Variants in ZFP1 observed in about 807,000 individuals in gnomAD.
ZFP1 encodes ZFP1 zinc finger protein.
In ZFP1, 32 loss-of-function variants were observed where a neutral mutation model predicts 38.5. The ratio of observed to expected loss-of-function variants is 0.83; its 90% CI spans 0.63 to 1.12. The LOEUF (loss-of-function observed/expected upper bound fraction) is 1.12. Ranked by LOEUF, ZFP1 falls within the 50% of genes most tolerant of loss-of-function variation. The pLI is 0.00. For missense variants in ZFP1, 616 were observed against 480.8 expected, an observed-to-expected ratio of 1.28 and a Z score of -2.63; for synonymous variants, 245 against 168.8, an observed-to-expected ratio of 1.45 and a Z score of -3.50.
rs1378782307 is a variant in ZFP1 at position 75,161,772 on chromosome 16, ATATTTTTTTTT to A, written c.16-4996_16-4986del. On this transcript the variant is annotated intron_variant, in intron 2 of 3. Coordinates refer to ENST00000570010, the MANE Select transcript of ZFP1 (RefSeq NM_153688.4). ...AGTTTTATGAAATATATATATATAT[ATATTTTTTTTT>A]TTTTTTTTTTTTTTTTTCCTGAGAT... 4.1e-4 allele frequency among the ~76,000 whole-genome samples: 3 copies of A among 7,236 alleles called. No individual in the cohort carries two copies. In the East Asian group the frequency reaches 7.2e-3, roughly 17 times the overall value. The allele number at this position is 7,236 out of a possible 152,430, so 4.7% of individuals were successfully genotyped here.
chr16:75,168,180 A>ATG (rs1419722620), intron 3 of ZFP1, among the ~76,000 whole-genome samples: 1 of 151,908 alleles, frequency 6.6e-6, no homozygotes, highest in Admixed American at 6.6e-5. Context: ...TGGGATTGCT[A>ATG]TGTGAAAGGG....
chr16:75,155,837 A>G (rs749020877), intron 2 of ZFP1, among the ~76,000 whole-genome samples: 1 of 152,198 alleles, frequency 6.6e-6, no homozygotes, highest in Non-Finnish European at 1.5e-5. Context: ...TGGGATTAAT[A>G]TCACTTATAG....
the ZFP1 span, among the ~76,000 whole-genome samples, chr16:75,126,614 G>A: frequency 6.6e-6 from 1 of 152,198 alleles, no homozygotes; most frequent in Non-Finnish European, 1.5e-5. Context: ...ATGTTGGCCT[G>A]CTGGTCTCAA....
chr16:75,144,387 T>G (rs936390564), upstream of ZFP1, among the ~76,000 whole-genome samples: 1 of 152,230 alleles, frequency 6.6e-6, no homozygotes, highest in Non-Finnish European at 1.5e-5. Context: ...TTATCCTTTT[T>G]AGTGTTTCCC....
the ZFP1 span, among the ~76,000 whole-genome samples, chr16:75,122,106 G>A: frequency 6.6e-6 from 1 of 152,174 alleles, no homozygotes; most frequent in Non-Finnish European, 1.5e-5. Context: ...TTCTCAGCAA[G>A]GCAATTTTCA....
chr16:75,150,844 A>C (rs2037163417), intron 1 of ZFP1, among the ~76,000 whole-genome samples: 1 of 152,106 alleles, frequency 6.6e-6, no homozygotes, highest in Non-Finnish European at 1.5e-5. Context: ...TGATTGATTG[A>C]GACAGGGTCT....
the ZFP1 span, among the ~76,000 whole-genome samples, chr16:75,125,255 T>A: frequency 6.6e-6 from 1 of 152,080 alleles, no homozygotes; most frequent in African/African-American, 2.4e-5. Flanking sequence ...CAAGACTCTA[T>A]CTCGAAAAAA....
intron 3 of ZFP1, among the ~76,000 whole-genome samples, chr16:75,167,422 T>C (rs367595883): frequency 3.9e-5 from 6 of 151,904 alleles, no homozygotes; most frequent in Admixed American, 1.3e-4. Context: ...TTTAATCTTA[T>C]AGATATTTGC....
intron 2 of ZFP1, among the ~76,000 whole-genome samples, chr16:75,159,302 C>T (rs1195805994): frequency 9.3e-5 from 3 of 32,142 alleles, no homozygotes; most frequent in Non-Finnish European, 1.0e-4. Context: ...TCCCTTCCCT[C>T]CCTTCCCTCC....
rs1254293004 is a variant in ZFP1, at chr16:75,170,797, A to AC, written c.*464dup. ...AACAAGATTTTCCATACTAAACATCACATGTGTTTTTCAGTATCTCTGCAA... is the reference window on the plus strand; with the variant it reads ...AACAAGATTTTCCATACTAAACATCACCATGTGTTTTTCAGTATCTCTGCAA... On this transcript the variant is annotated 3_prime_UTR_variant, in exon 4 of 4. Coordinates refer to ENST00000570010, the MANE Select transcript of ZFP1 (RefSeq NM_153688.4). The AC allele has an allele frequency of 6.5e-6, 1 of 154,780 alleles. No homozygotes were observed. Among genetic ancestry groups the AC allele is most frequent in the Non-Finnish European group, 1.4e-5 (1 of 69,686 alleles). The allele number at this position is 154,780 out of a possible 1,614,324, so 9.6% of individuals were successfully genotyped here.
the ZFP1 span, among the ~76,000 whole-genome samples, chr16:75,139,996 T>C: frequency 6.6e-6 from 1 of 152,192 alleles, no homozygotes; most frequent in South Asian, 2.1e-4. Context: ...TGGCCAGGCA[T>C]AGTGGCTCAT....
At chr16:75,142,132 C>A in the ZFP1 span, among the ~76,000 whole-genome samples, 1 of 147,394 alleles carries the variant, frequency 6.8e-6, no homozygotes, top group African/African-American at 2.5e-5. Flanking sequence ...CCAAGGCAGG[C>A]AGACCACAAG....
At chr16:75,157,656 A>T (rs1036453869) in intron 2 of ZFP1, among the ~76,000 whole-genome samples, 1 of 152,062 alleles carries the variant, frequency 6.6e-6, no homozygotes, top group Non-Finnish European at 1.5e-5. Flanking sequence ...GTCATTGCAT[A>T]TATGGTTATG....
intron 2 of ZFP1, among the ~76,000 whole-genome samples, chr16:75,159,581 T>A (rs561009657): frequency 2.0e-5 from 3 of 151,358 alleles, no homozygotes; most frequent in Non-Finnish European, 2.9e-5. Context: ...CTAATTTTTG[T>A]ACTTTTTTTA....
At position 75,170,441 on chromosome 16, in the gene ZFP1, A is replaced by G; in HGVS notation, c.*107A>G. 7.2e-7 allele frequency: 1 copy of G among 1,394,446 alleles called. No individual in the cohort carries two copies. The highest frequency in any genetic ancestry group is 2.4e-5 in the East Asian group (1 of 41,246). The allele number at this position is 1,394,446 out of a possible 1,614,324, so 86.4% of individuals were successfully genotyped here. A position where few individuals can be genotyped will look rare whatever the true frequency, so the allele number is the denominator to read the frequency against. The stretch of plus-strand genomic sequence containing the variant: ...ACATGGGAATTCATACTGAGATGCA[A>G]TCTCTCAACTCAAAAATGTATTAAA... On this transcript the variant is annotated 3_prime_UTR_variant, in exon 4 of 4. Transcript: ENST00000570010.
At chr16:75,148,249 G>A (rs8054035), upstream of ZFP1, among the ~76,000 whole-genome samples, 37,261 of 152,146 alleles carry the variant, frequency 0.24, 4,911 homozygotes, top group Non-Finnish European at 0.3. Flanking sequence ...ATGTTTAAAA[G>A]CCAAGTTGTT....
At chr16:75,124,429 G>A in the ZFP1 span, among the ~76,000 whole-genome samples, 2 of 149,944 alleles carry the variant, frequency 1.3e-5, no homozygotes, top group Non-Finnish European at 3.0e-5. Context: ...TAAAGTGCTG[G>A]GATTACAGGC....
the ZFP1 span, among the ~76,000 whole-genome samples, chr16:75,136,512 T>G: frequency 4.6e-3 from 695 of 152,272 alleles, 7 homozygotes; most frequent in African/African-American, 0.016. Flanking sequence ...GAATTACAAT[T>G]GAAGAATCAG....
At chr16:75,168,370 C>T (rs1416129955) in intron 3 of ZFP1, among the ~76,000 whole-genome samples, 2 of 151,894 alleles carry the variant, frequency 1.3e-5, no homozygotes, top group Admixed American at 6.6e-5. Context: ...CATGGTGGCT[C>T]ATGCCTGGAA....
Sources: gnomAD v4.1 joint callset for allele counts (sites outside exome capture counted in the v4.1 genomes callset) on GRCh38, gnomAD v4.1.1 for gene constraint, MANE v1.5 for transcripts, NCBI Gene and HGNC (gene_info 2026-07-23, HGNC 2026-07-21) for gene names.